B3GNT6: variants seen among roughly 807,000 people sequenced by gnomAD.
B3GNT6 encodes UDP-GlcNAc:betaGal beta-1,3-N-acetylglucosaminyltransferase 6.
For missense variants in B3GNT6, 624 were observed against 568.6 expected, an observed-to-expected ratio of 1.10 and a Z score of -0.99; for synonymous variants, 300 against 270.0, an observed-to-expected ratio of 1.11 and a Z score of -1.09.
chr11:77,037,962 A>G (rs1183735713), intron 1 of B3GNT6, among the ~76,000 whole-genome samples: 1 of 9,168 alleles, frequency 1.1e-4, no homozygotes, highest in Non-Finnish European at 1.9e-4. Context: ...GAAGAAGAAG[A>G]GGAGGGGGGA....
intron 1 of B3GNT6, among the ~76,000 whole-genome samples, chr11:77,039,208 G>A (rs1481474378): frequency 2.6e-5 from 4 of 152,158 alleles, no homozygotes; most frequent in African/African-American, 9.7e-5. Context: ...TGGGGCTTCT[G>A]GCTGGAGTAG....
Position 77,039,652 on chromosome 11 carries a change from C to CAAGGTCCCCGCGGGAGGA in B3GNT6, c.102_119dup (p.Arg38_Pro43dup), listed in dbSNP as rs1555027403. ...CTGCAGCAGTGGTTCCTCCAGGCGC[C>CAAGGTCCCCGCGGGAGGA]AAGGTCCCCGCGGGAGGAGAGGTCC... On this transcript the variant is annotated inframe_insertion, in exon 2 of 2. Transcript: ENST00000622824. The CAAGGTCCCCGCGGGAGGA allele has an allele frequency of 6.2e-7, 1 of 1,612,956 alleles. No homozygotes were observed. The highest frequency in any genetic ancestry group is 1.7e-5 in the Admixed American group (1 of 59,966).
In B3GNT6 at chr11:77,040,359, C is replaced by T. The variant is rs573066585; in HGVS notation, c.808C>T (p.Leu270Phe). Residue 270 changes from leucine to phenylalanine, a missense_variant, in exon 2 of 2, where the codon CTC becomes TTC. By Grantham distance (22) the Leu-to-Phe change is conservative. Coordinates refer to ENST00000622824, the MANE Select transcript of B3GNT6 (RefSeq NM_138706.5). ...GAGCAAGTACTTCGTGCCGCCGCAGCTCTTCCCCGGGTCCGCTTACCCGGT... is the reference window on the plus strand; with the variant it reads ...GAGCAAGTACTTCGTGCCGCCGCAGTTCTTCCCCGGGTCCGCTTACCCGGT... ...SWSKYFVPPQ[L>F]FPGSAYPVYC... The T allele has an allele frequency of 1.9e-6, 3 of 1,540,428 alleles. No individual in the cohort carries two copies. The South Asian group carries it at 3.6e-5, about 18-fold the overall frequency.
chr11:77,038,635 G>A (rs1949658649), intron 1 of B3GNT6, among the ~76,000 whole-genome samples: 1 of 152,060 alleles, frequency 6.6e-6, no homozygotes, highest in South Asian at 2.1e-4. Context: ...ATTTTTAGCA[G>A]GGCACAGTTA....
rs781996703 is a variant in B3GNT6, at chr11:77,040,252, G to A, written c.701G>A (p.Arg234His). 1.9e-5 allele frequency: 30 copies of A among 1,597,988 alleles called. No individual in the cohort carries two copies. The highest frequency in any genetic ancestry group is 1.7e-4 in the African/African-American group (13 of 74,888). Residue 234 changes from arginine to histidine, a missense_variant, in exon 2 of 2, where the codon CGC becomes CAC. Coordinates refer to ENST00000622824, the MANE Select transcript of B3GNT6 (RefSeq NM_138706.5). The part of the protein sequence containing the change: ...DVFVHTANVV[R>H]FLQAQPPGRH... ...TTCGTGCACACCGCCAACGTAGTCC[G>A]CTTCCTGCAGGCGCAGCCACCCGGC...
At chr11:77,038,678 G>A (rs754374641) in intron 1 of B3GNT6, among the ~76,000 whole-genome samples, 1 of 152,078 alleles carries the variant, frequency 6.6e-6, no homozygotes, top group Non-Finnish European at 1.5e-5. Context: ...CCTGGGATTC[G>A]TCCTGGGGGT....
Position 77,040,253 on chromosome 11 carries a change from C to G in B3GNT6, c.702C>G (p.Arg234=). The G allele has an allele frequency of 1.3e-6, 2 of 1,598,306 alleles. No individual in the cohort carries two copies. The highest frequency in any genetic ancestry group is 1.7e-6 in the Non-Finnish European group (2 of 1,179,286). ...DVFVHTANVV[R]FLQAQPPGRH... is the part of the protein sequence containing the mutation. ...TCGTGCACACCGCCAACGTAGTCCGCTTCCTGCAGGCGCAGCCACCCGGCC... is the reference window on the plus strand; with the variant it reads ...TCGTGCACACCGCCAACGTAGTCCGGTTCCTGCAGGCGCAGCCACCCGGCC... The change falls in exon 2 of 2, where the codon CGC becomes CGG. Residue 234 remains arginine, a synonymous_variant. Coordinates refer to ENST00000622824, the MANE Select transcript of B3GNT6 (RefSeq NM_138706.5).
Position 77,041,738 on chromosome 11 carries a change from C to T in B3GNT6, c.*1032C>T, listed in dbSNP as rs1555028090. 6.6e-6 allele frequency: 1 copy of T among 152,450 alleles called. No individual in the cohort carries two copies. The highest frequency in any genetic ancestry group is 1.5e-5 in the Non-Finnish European group (1 of 68,310). The allele number at this position is 152,450 out of a possible 1,614,324, so 9.4% of individuals were successfully genotyped here. On this transcript the variant is annotated 3_prime_UTR_variant, in exon 2 of 2. Coordinates refer to ENST00000622824, the MANE Select transcript of B3GNT6 (RefSeq NM_138706.5). ...CTTTGGGAGGCTGAGGAGGTCGGAT[C>T]ATGAGGTCAAGAGTTCGAGACCAGC...
intron 1 of B3GNT6, among the ~76,000 whole-genome samples, chr11:77,038,273 G>A (rs908369988): frequency 6.7e-6 from 1 of 150,000 alleles, no homozygotes; most frequent in Non-Finnish European, 1.5e-5. Context: ...TAAGGAGGGA[G>A]AAGGAACGGG....
chr11:77,040,481 CT>C lies in B3GNT6; in HGVS notation c.931del (p.Tyr311ThrfsTer44). 1 of 1,539,122 alleles carries C rather than the reference CT, an allele frequency of 6.5e-7. No homozygotes were observed. Among genetic ancestry groups the C allele is most frequent in the Non-Finnish European group, 8.7e-7 (1 of 1,148,014 alleles). On this transcript the variant is annotated frameshift_variant, in exon 2 of 2. Transcript: ENST00000622824. LOFTEE classifies it low-confidence loss of function (END_TRUNC). ...CCCCGCTCTTCCCCATCGACGACGC[CT>C]ACATGGGCATGTGTCTGGAGCGCGC... is the stretch of plus-strand genomic sequence containing the variant. ...HTPLFPIDDA[Y>X]MGMCLERAGL... is the part of the protein sequence containing the mutation.
intron 1 of B3GNT6, among the ~76,000 whole-genome samples, chr11:77,038,391 C>T (rs1949655675): frequency 1.2e-5 from 1 of 82,036 alleles, no homozygotes; most frequent in African/African-American, 7.2e-5. Flanking sequence ...GGGAACCCGT[C>T]TCTACAGAAA....
Position 77,040,486 on chromosome 11 carries a change from TG to T in B3GNT6, c.938del (p.Gly313AlafsTer42), listed in dbSNP as rs1342786905. The T allele has an allele frequency of 4.5e-6, 7 of 1,540,042 alleles. No individual in the cohort carries two copies. Among genetic ancestry groups the T allele is most frequent in the Non-Finnish European group, 6.1e-6 (7 of 1,148,656 alleles). ...TPLFPIDDAY[M>X]GMCLERAGLA... is the part of the protein sequence containing the mutation. ...CTCTTCCCCATCGACGACGCCTACA[TG>T]GGCATGTGTCTGGAGCGCGCCGGCC... On this transcript the variant is annotated frameshift_variant, in exon 2 of 2. Transcript: ENST00000622824. LOFTEE classifies it low-confidence loss of function (END_TRUNC).
rs1401288717 is a variant in B3GNT6 at position 77,040,118 on chromosome 11, C to G, written c.567C>G (p.Ala189=). 4 of 1,598,048 alleles carry G rather than the reference C, an allele frequency of 2.5e-6. No individual in the cohort carries two copies. The African/African-American group carries it at 5.4e-5, about 21-fold the overall frequency. The change falls in exon 2 of 2, where the codon GCC becomes GCG. Residue 189 remains alanine (A), a synonymous_variant. Coordinates refer to ENST00000622824, the MANE Select transcript of B3GNT6 (RefSeq NM_138706.5). ...AGCACGGCGACGTGCTGCAGTGGGCCTTCGCGGACACCTTCCTCAACCTCA... is the reference window on the plus strand; with the variant it reads ...AGCACGGCGACGTGCTGCAGTGGGCGTTCGCGGACACCTTCCTCAACCTCA... ...AREHGDVLQW[A]FADTFLNLTL... is the part of the protein sequence containing the mutation.
intron 1 of B3GNT6, among the ~76,000 whole-genome samples, chr11:77,036,132 CA>C (rs1555026909): frequency 6.6e-6 from 1 of 152,112 alleles, no homozygotes; most frequent in Non-Finnish European, 1.5e-5. Context: ...TGTTTTCATT[CA>C]TTTTTTTATT....
chr11:77,038,383 G>A (rs578140036), intron 1 of B3GNT6, among the ~76,000 whole-genome samples: 6 of 132,078 alleles, frequency 4.5e-5, no homozygotes, highest in African/African-American at 1.9e-4. Context: ...AATATAGTGG[G>A]AACCCGTCTC....
At chr11:77,039,519 T>G (rs186525261) in intron 1 of B3GNT6, 33 bp from the exon 2 acceptor site, 1 of 1,531,680 alleles carries the variant, frequency 6.5e-7, no homozygotes, top group African/African-American at 1.4e-5. Flanking sequence ...AAAGACGACT[T>G]CCGGCTCACC....
chr11:77,038,959 G>A (rs1366153081), intron 1 of B3GNT6, among the ~76,000 whole-genome samples: 2 of 152,142 alleles, frequency 1.3e-5, no homozygotes, highest in Non-Finnish European at 2.9e-5. Flanking sequence ...CCCAGCCATC[G>A]GAACTGACTG....
At chr11:77,038,651 G>A (rs903253039) in intron 1 of B3GNT6, among the ~76,000 whole-genome samples, 1 of 152,016 alleles carries the variant, frequency 6.6e-6, no homozygotes, top group Non-Finnish European at 1.5e-5. Flanking sequence ...AGTTAAATAC[G>A]GGAAAGGTTG....
Position 77,040,902 on chromosome 11 carries a change from T to C in B3GNT6, c.*196T>C, listed in dbSNP as rs1415185538. On this transcript the variant is annotated 3_prime_UTR_variant, in exon 2 of 2. Transcript: ENST00000622824. Reference sequence around the variant, plus strand: ...TCTCCCGAAGTTTCGATTTGATTAGTCTGGGGTGGACCCAGACATGTTAAG... The same window carrying C: ...TCTCCCGAAGTTTCGATTTGATTAGCCTGGGGTGGACCCAGACATGTTAAG... The C allele has an allele frequency of 1.8e-5, 16 of 896,768 alleles. No homozygotes were observed. Among genetic ancestry groups the C allele is most frequent in the Admixed American group, 3.5e-5 (1 of 28,244 alleles). 55.6% of individuals were successfully genotyped at this position (896,768 alleles called of 1,614,324 possible).
Sources: allele counts gnomAD v4.1 joint callset (sites outside exome capture counted in the v4.1 genomes callset), GRCh38; gene constraint gnomAD v4.1.1; transcripts MANE v1.5; gene names NCBI Gene and HGNC (gene_info 2026-07-23, HGNC 2026-07-21).